USP12: variants seen among roughly 807,000 people sequenced by gnomAD.
USP12 encodes the protein ubiquitin carboxyl-terminal hydrolase 12.
In USP12, 19 loss-of-function variants were observed where a neutral mutation model predicts 45.5. That is an observed-to-expected ratio of 0.42 (90% CI 0.29 to 0.61). The LOEUF is 0.61. Ranked by LOEUF, USP12 falls within the 20% of genes least tolerant of loss-of-function variation. USP12 has a pLI of 0.22. For synonymous variants in USP12, 149 were observed against 148.8 expected (o/e 1.00, Z -0.01); for missense variants, 242 against 447.7 (o/e 0.54, Z 4.15).
chr13:27,125,278 G>A (rs1014510029), intron 1 of USP12, among the ~76,000 whole-genome samples: 1 of 152,034 alleles, frequency 6.6e-6, no homozygotes, highest in Non-Finnish European at 1.5e-5. Context: ...TAATTCAACT[G>A]GGGAGTAGAG....
intron 1 of USP12, among the ~76,000 whole-genome samples, chr13:27,157,403 GT>G (rs1285597251): frequency 1.3e-5 from 2 of 152,126 alleles, no homozygotes; most frequent in African/African-American, 4.8e-5. Flanking sequence ...AAAAGTGGAT[GT>G]TCTAGGTATG....
intron 7 of USP12, among the ~76,000 whole-genome samples, chr13:27,073,391 G>A (rs1038105317): frequency 2.6e-5 from 4 of 152,216 alleles, no homozygotes; most frequent in African/African-American, 9.6e-5. Context: ...GTGCTTGTGA[G>A]AACATGCTTT....
intron 3 of USP12, among the ~76,000 whole-genome samples, chr13:27,099,657 T>C (rs1216354935): frequency 6.8e-6 from 1 of 147,530 alleles, no homozygotes; most frequent in Non-Finnish European, 1.5e-5. Context: ...TTCCCTGATA[T>C]CTCTTGCATT....
chr13:27,131,050 A>C (rs150335806), intron 1 of USP12, among the ~76,000 whole-genome samples: 126 of 152,346 alleles, frequency 8.3e-4, no homozygotes, highest in African/African-American at 2.8e-3. Context: ...CTCAAAGTTT[A>C]TGTGTGGCAT....
At chr13:27,113,328 G>C (rs1402196840) in intron 2 of USP12, among the ~76,000 whole-genome samples, 1 of 152,156 alleles carries the variant, frequency 6.6e-6, no homozygotes, top group Non-Finnish European at 1.5e-5. Context: ...ATGTTGAAAA[G>C]GAACCGTTTT....
At chr13:27,080,782 C>T (rs1873715967) in intron 6 of USP12, among the ~76,000 whole-genome samples, 3 of 152,102 alleles carry the variant, frequency 2.0e-5, no homozygotes, top group South Asian at 2.1e-4. Flanking sequence ...TTTGGTTTCC[C>T]AGTGCATATA....
intron 4 of USP12, among the ~76,000 whole-genome samples, chr13:27,093,312 A>AG (rs1420543635): frequency 6.6e-6 from 1 of 151,676 alleles, no homozygotes; most frequent in Non-Finnish European, 1.5e-5. Flanking sequence ...TATACCCGAA[A>AG]AAAAAAACCC....
At chr13:27,150,008 G>A (rs1381660830) in intron 1 of USP12, among the ~76,000 whole-genome samples, 1 of 152,210 alleles carries the variant, frequency 6.6e-6, no homozygotes, top group Non-Finnish European at 1.5e-5. Flanking sequence ...TCAGGGGTTG[G>A]AGATCCCTGT....
At chr13:27,164,828 G>T (rs917970939) in intron 1 of USP12, among the ~76,000 whole-genome samples, 1 of 152,152 alleles carries the variant, frequency 6.6e-6, no homozygotes, top group African/African-American at 2.4e-5. Flanking sequence ...TAGACTAGGA[G>T]ATTGGGACTG....
At chr13:27,112,251 C>A (rs1310675992) in intron 2 of USP12, among the ~76,000 whole-genome samples, 1 of 151,690 alleles carries the variant, frequency 6.6e-6, no homozygotes, top group Admixed American at 6.6e-5. Flanking sequence ...ATAAAACACT[C>A]AGAACAGTTA....
chr13:27,155,612 G>C (rs1877798811), intron 1 of USP12, among the ~76,000 whole-genome samples: 1 of 152,160 alleles, frequency 6.6e-6, no homozygotes, highest in South Asian at 2.1e-4. Context: ...ATTTGAAGTT[G>C]CTTTTGTAAA....
chr13:27,151,031 C>T (rs1566004503), intron 1 of USP12, among the ~76,000 whole-genome samples: 1 of 151,830 alleles, frequency 6.6e-6, no homozygotes, highest in East Asian at 1.9e-4. Context: ...GCATGAACGA[C>T]AAAAGAAAAA....
At chr13:27,164,217 T>G (rs1424336356) in intron 1 of USP12, among the ~76,000 whole-genome samples, 2 of 152,196 alleles carry the variant, frequency 1.3e-5, no homozygotes, top group African/African-American at 2.4e-5. Flanking sequence ...AACCACCCTT[T>G]ACAAGTAGAG....
At chr13:27,160,254 T>A (rs1295318131) in intron 1 of USP12, among the ~76,000 whole-genome samples, 2 of 152,230 alleles carry the variant, frequency 1.3e-5, no homozygotes. Flanking sequence ...CAAGCATTTT[T>A]ATCTGGCTAA....
intron 6 of USP12, among the ~76,000 whole-genome samples, chr13:27,083,515 G>A (rs1873859970): frequency 6.6e-6 from 1 of 152,098 alleles, no homozygotes; most frequent in African/African-American, 2.4e-5. Context: ...TCTCATTACA[G>A]TTCCCCAGGG....
intron 7 of USP12, among the ~76,000 whole-genome samples, chr13:27,074,056 G>A (rs1873362890): frequency 6.6e-6 from 1 of 152,184 alleles, no homozygotes; most frequent in South Asian, 2.1e-4. Flanking sequence ...GGCAATGGAG[G>A]AAGAAGACGA....
At chr13:27,070,096 T>C (rs1053045116) in intron 8 of USP12, among the ~76,000 whole-genome samples, 1 of 152,246 alleles carries the variant, frequency 6.6e-6, no homozygotes, top group Non-Finnish European at 1.5e-5. Context: ...TAACTTGGTA[T>C]ATTCATACAG....
In USP12 at chr13:27,068,890, A is replaced by G. The variant is rs1027364242; in HGVS notation, c.*393T>C. 5.6e-5 allele frequency: 12 copies of G among 214,590 alleles called. No individual in the cohort carries two copies. The highest frequency in any genetic ancestry group is 9.4e-5 in the African/African-American group (4 of 42,484). The allele number at this position is 214,590 out of a possible 1,614,324, so 13.3% of individuals were successfully genotyped here. ...CATACTGAACCAGGCAAATTTATGC[A>G]GTGTGTTCAACATCATCTCCTTATC... On this transcript the variant is annotated 3_prime_UTR_variant, in exon 9 of 9. Transcript: ENST00000282344.
At chr13:27,162,761 T>C (rs976827568) in intron 1 of USP12, 2 of 152,202 alleles carry the variant, frequency 1.3e-5, no homozygotes, top group Admixed American at 6.5e-5. Context: ...TTTGAACCAT[T>C]TGGATTATTA....
Sources: allele counts gnomAD v4.1 joint callset (sites outside exome capture counted in the v4.1 genomes callset), GRCh38; gene constraint gnomAD v4.1.1; transcripts MANE v1.5; gene names NCBI Gene and HGNC (gene_info 2026-07-23, HGNC 2026-07-21).